The following NR2C2 variants were observed in gnomAD, a reference collection of about 807,000 sequenced individuals.
NR2C2 encodes nuclear receptor subfamily 2 group C member 2.
A neutral mutation model predicts 62.9 loss-of-function variants in NR2C2; 6 were observed. That is an observed-to-expected ratio of 0.10 (90% CI 0.05 to 0.19). NR2C2 has a LOEUF of 0.19. Ranked by LOEUF, NR2C2 falls within the 10% of genes least tolerant of loss-of-function variation. The pLI, the probability that NR2C2 is intolerant of heterozygous loss-of-function variation, is 1.00. For missense variants in NR2C2, 479 were observed against 762.7 expected, an observed-to-expected ratio of 0.63 and a Z score of 4.38; for synonymous variants, 272 against 273.8, an observed-to-expected ratio of 0.99 and a Z score of 0.07.
At chr3:15,023,116 A>G in intron 5 of NR2C2, 84 bp from the exon 6 acceptor site, 2 of 1,450,352 alleles carry the variant, frequency 1.4e-6, no homozygotes, top group South Asian at 1.2e-5. Flanking sequence ...TCCTCCCTGC[A>G]GTAATGGATT....
At chr3:14,988,692 C>CT (rs2040577723) in intron 1 of NR2C2, among the ~76,000 whole-genome samples, 1 of 152,262 alleles carries the variant, frequency 6.6e-6, no homozygotes, top group East Asian at 1.9e-4. Flanking sequence ...GGTGAAGGGA[C>CT]TTATAGTCAA....
intron 10 of NR2C2, among the ~76,000 whole-genome samples, chr3:15,033,557 C>G (rs1342513538): frequency 6.7e-6 from 1 of 148,412 alleles, no homozygotes; most frequent in Non-Finnish European, 1.5e-5. Context: ...GACTGCTAAA[C>G]AAGTATTAGG....
intron 1 of NR2C2, among the ~76,000 whole-genome samples, chr3:14,992,401 GAGTAAAGCAA>G (rs2040696991): frequency 6.6e-6 from 1 of 152,156 alleles, no homozygotes. Context: ...CACAAGAGTA[GAGTAAAGCAA>G]AGCAAAGTCT....
rs184821528 is a variant in NR2C2, at chr3:15,032,135, T to C, written c.1111-244T>C. On this transcript the variant is annotated intron_variant, in intron 9 of 13. Transcript: ENST00000425241. Reference sequence around the variant, plus strand: ...GCAAGACTTGAGGAGTATGTTTTTGTGGGGGTGGGCTGGGAAGATCCCCTT... The same window carrying C: ...GCAAGACTTGAGGAGTATGTTTTTGCGGGGGTGGGCTGGGAAGATCCCCTT... Among the ~76,000 whole-genome samples the C allele has an allele frequency of 1.3e-3, 197 of 152,298 alleles. 1 individual carries two copies. The highest frequency in any genetic ancestry group is 2.4e-3 in the Non-Finnish European group (162 of 68,018).
chr3:14,961,974 G>T (rs1427177163), intron 1 of NR2C2, among the ~76,000 whole-genome samples: 7 of 152,276 alleles, frequency 4.6e-5, no homozygotes, highest in Middle Eastern at 6.8e-3. Flanking sequence ...TTTGCCACTA[G>T]CAAAAGAAGT....
intron 1 of NR2C2, among the ~76,000 whole-genome samples, chr3:14,955,387 A>G (rs1256578012): frequency 6.6e-6 from 1 of 152,060 alleles, no homozygotes; most frequent in Non-Finnish European, 1.5e-5. Flanking sequence ...GATCTAGCTT[A>G]TTGATGTAAG....
intron 1 of NR2C2, among the ~76,000 whole-genome samples, chr3:14,949,934 A>C (rs144091258): frequency 2.0e-5 from 3 of 152,200 alleles, no homozygotes; most frequent in African/African-American, 7.2e-5. Context: ...CAACTCCCCA[A>C]CTTTTACTAG....
intron 8 of NR2C2, 63 bp from the exon 9 acceptor site, chr3:15,030,212 G>A: frequency 7.4e-7 from 1 of 1,355,418 alleles, no homozygotes; most frequent in Non-Finnish European, 1.0e-6. Flanking sequence ...ATCATAGCTA[G>A]AATTCTGTTC....
At chr3:14,966,429 T>A (rs763972055) in intron 1 of NR2C2, among the ~76,000 whole-genome samples, 9 of 152,124 alleles carry the variant, frequency 5.9e-5, no homozygotes, top group Non-Finnish European at 1.2e-4. Flanking sequence ...TTATAAACAA[T>A]CAAAAAATTT....
intron 1 of NR2C2, among the ~76,000 whole-genome samples, chr3:14,968,051 G>A (rs2039912514): frequency 6.6e-6 from 1 of 152,106 alleles, no homozygotes; most frequent in African/African-American, 2.4e-5. Flanking sequence ...TAAAACCTAG[G>A]CATTACCATT....
intron 12 of NR2C2, 46 bp from the exon 13 acceptor site, chr3:15,039,074 CTT>C: frequency 2.1e-6 from 3 of 1,416,512 alleles, no homozygotes; most frequent in East Asian, 4.6e-5. Context: ...ACAAGTGAGA[CTT>C]TTCAAATACA....
At chr3:15,025,902 T>A (rs1241488242) in intron 7 of NR2C2, 1 of 152,292 alleles carries the variant, frequency 6.6e-6, no homozygotes, top group Non-Finnish European at 1.5e-5. Flanking sequence ...TGTTGTGATT[T>A]AATCATTTCT....
At chr3:15,004,290 GAAGTCA>G (rs2041105942) in intron 2 of NR2C2, among the ~76,000 whole-genome samples, 1 of 152,198 alleles carries the variant, frequency 6.6e-6, no homozygotes, top group South Asian at 2.1e-4. Flanking sequence ...GCCCCTACTT[GAAGTCA>G]AATCCAGTGC....
intron 1 of NR2C2, among the ~76,000 whole-genome samples, chr3:15,000,411 C>T (rs955881570): frequency 2.0e-5 from 3 of 152,156 alleles, no homozygotes; most frequent in African/African-American, 7.2e-5. Flanking sequence ...TTTATTCATT[C>T]ATCTATTGAT....
At chr3:14,951,010 C>T (rs918512023) in intron 1 of NR2C2, among the ~76,000 whole-genome samples, 1 of 152,170 alleles carries the variant, frequency 6.6e-6, no homozygotes, top group Non-Finnish European at 1.5e-5. Flanking sequence ...TTTTCCCACT[C>T]ATTTTTTTAT....
intron 1 of NR2C2, among the ~76,000 whole-genome samples, chr3:14,965,643 TTTTTTGTTTGTTTG>T (rs1467829036): frequency 6.6e-6 from 1 of 151,258 alleles, no homozygotes; most frequent in African/African-American, 2.5e-5. Flanking sequence ...CCTTGCTGTT[TTTTTTGTTTGTTTG>T]TTTTTGTTTT....
rs140914177 is a variant in NR2C2 at position 14,949,209 on chromosome 3, G to T, written c.-40+1303G>T. Among the ~76,000 whole-genome samples, 730 of 152,304 alleles carry T rather than the reference G, an allele frequency of 4.8e-3. 4 individuals carry two copies. The highest frequency in any genetic ancestry group is 0.017 in the African/African-American group (698 of 41,554). On this transcript the variant is annotated intron_variant, in intron 1 of 13. Coordinates refer to ENST00000425241, the MANE Select transcript of NR2C2 (RefSeq NM_001291694.2). ...GGGGGTGAATAGACAAATAATTCCA[G>T]AGAGTCATAAGTTCTGTGAAAGAAA...
chr3:15,029,500 C>G (rs2125053053), intron 8 of NR2C2, among the ~76,000 whole-genome samples: 1 of 152,272 alleles, frequency 6.6e-6, no homozygotes, highest in African/African-American at 2.4e-5. Context: ...CAAATAAGAT[C>G]TAGGTACCGT....
chr3:14,986,228 TAAAAG>T (rs1488136642), intron 1 of NR2C2, among the ~76,000 whole-genome samples: 1 of 151,928 alleles, frequency 6.6e-6, no homozygotes, highest in Non-Finnish European at 1.5e-5. Flanking sequence ...TCAGGAGAAA[TAAAAG>T]GAAAGCAGCC....
Sources: allele counts gnomAD v4.1 joint callset (sites outside exome capture counted in the v4.1 genomes callset), GRCh38; gene constraint gnomAD v4.1.1; transcripts MANE v1.5; gene names NCBI Gene and HGNC (gene_info 2026-07-23, HGNC 2026-07-21).